Variants in CDH22 observed in about 807,000 individuals in gnomAD.
The protein encoded by CDH22 is cadherin 22, also known as cadherin-22.
In CDH22, 30 loss-of-function variants were observed where a neutral mutation model predicts 58.4. The observed-to-expected ratio is 0.51, with a 90% CI of 0.38 to 0.70. The LOEUF (loss-of-function observed/expected upper bound fraction) is 0.70. Among genes scored for constraint, CDH22 ranks in the 30% least tolerant of loss-of-function variants. The pLI, the probability that CDH22 is intolerant of heterozygous loss-of-function variation, is 0.00. For synonymous variants in CDH22, 513 were observed against 558.2 expected, an observed-to-expected ratio of 0.92 and a Z score of 1.14; for missense variants, 1,014 against 1,233.9, an observed-to-expected ratio of 0.82 and a Z score of 2.67.
intron 1 of CDH22, among the ~76,000 whole-genome samples, chr20:46,255,157 G>A (rs963889574): frequency 1.3e-5 from 2 of 152,142 alleles, no homozygotes; most frequent in African/African-American, 2.4e-5. Flanking sequence ...AAGTAGCTGG[G>A]ATTACAGGTG....
chr20:46,242,359 C>T (rs887203534), intron 2 of CDH22, among the ~76,000 whole-genome samples: 2 of 152,182 alleles, frequency 1.3e-5, no homozygotes, highest in Non-Finnish European at 2.9e-5. Flanking sequence ...AGAGACAGTG[C>T]AGCCTGGCCC....
chr20:46,209,921 A>C, intron 7 of CDH22: 7 of 188,440 alleles, frequency 3.7e-5, no homozygotes, highest in East Asian at 1.3e-4. Context: ...ATGAGAGGGA[A>C]GGGGGTGCAG....
chr20:46,199,070 C>T (rs147545478), intron 8 of CDH22, among the ~76,000 whole-genome samples: 18 of 152,272 alleles, frequency 1.2e-4, no homozygotes, highest in African/African-American at 4.1e-4. Context: ...AAGGCTGGAT[C>T]CCCAACCCCT....
chr20:46,197,432 A>T (rs1568654957), intron 8 of CDH22, among the ~76,000 whole-genome samples: 1 of 152,158 alleles, frequency 6.6e-6, no homozygotes, highest in Non-Finnish European at 1.5e-5. Context: ...GCTTTCTGAA[A>T]GAGACCCACT....
In CDH22 at chr20:46,210,154, ACCCGTGCGCCTCTCTCCG is replaced by A. The variant is rs2086029874; in HGVS notation, c.1286+135_1286+152del. 8.1e-5 allele frequency: 59 copies of A among 724,610 alleles called. No individual in the cohort carries two copies. The highest frequency in any genetic ancestry group is 1.1e-4 in the Non-Finnish European group (56 of 497,502). 44.9% of individuals were successfully genotyped at this position (724,610 alleles called of 1,614,324 possible). A position where few individuals can be genotyped will look rare whatever the true frequency, so the allele number is the denominator to read the frequency against. Reference sequence around the variant, plus strand: ...TTTGGCTCCGTGCCTGTTTCTCTCCACCCGTGCGCCTCTCTCCGCGCCTCCCTCCCCCACGCAGCCCCT... The same window carrying A: ...TTTGGCTCCGTGCCTGTTTCTCTCCACGCCTCCCTCCCCCACGCAGCCCCT... On this transcript the variant is annotated intron_variant, in intron 7 of 11. Coordinates refer to ENST00000537909, the MANE Select transcript of CDH22 (RefSeq NM_021248.3). This position sits in a 1 kb window ranked among gnomAD's most constrained non-coding sequence, Gnocchi z 4.5.
At position 46,174,822 on chromosome 20, in the gene CDH22, GCCTGCGGGGGGCTGCCCGCGC is replaced by G. The variant is rs1361740190; in HGVS notation, c.2150_2170del (p.Gly717_Gln723del). 2.1e-6 allele frequency: 3 copies of G among 1,451,080 alleles called. No homozygotes were observed. The highest frequency in any genetic ancestry group is 2.7e-6 in the Non-Finnish European group (3 of 1,104,476). 89.9% of individuals were successfully genotyped at this position (1,451,080 alleles called of 1,614,324 possible). ...CGAGTGGCGCTCGGAGGGCAGGTGG[GCCTGCGGGGGGCTGCCCGCGC>G]CCCCGCCCGAGCCCCCGCCCGCTCC... On this transcript the variant is annotated inframe_deletion, in exon 12 of 12. Transcript: ENST00000537909. This position sits in a 1 kb window ranked among gnomAD's most constrained non-coding sequence, Gnocchi z 4.4.
At chr20:46,215,819 G>A (rs60211917) in intron 5 of CDH22, among the ~76,000 whole-genome samples, 3,184 of 152,308 alleles carry the variant, frequency 0.021, 103 homozygotes, top group African/African-American at 0.072. Flanking sequence ...GTGGGGGTGC[G>A]TCCCACCCAT....
chr20:46,183,058 G>A (rs996396618), intron 10 of CDH22, among the ~76,000 whole-genome samples: 2 of 152,068 alleles, frequency 1.3e-5, no homozygotes, highest in African/African-American at 2.4e-5. Context: ...GCAGAATCTC[G>A]GGCCCCTTGG....
intron 2 of CDH22, among the ~76,000 whole-genome samples, chr20:46,245,508 A>C (rs1286163470): frequency 2.6e-5 from 4 of 152,130 alleles, no homozygotes; most frequent in African/African-American, 9.7e-5. Context: ...ATGCCTGCAG[A>C]GAAAATACAG....
rs1372883158 is a variant in CDH22, at chr20:46,300,871, C to T, written c.-400+7384G>A. 2.0e-5 allele frequency among the ~76,000 whole-genome samples: 3 copies of T among 152,162 alleles called. No individual in the cohort carries two copies. Among genetic ancestry groups the T allele is most frequent in the Non-Finnish European group, 2.9e-5 (2 of 68,020 alleles). On this transcript the variant is annotated intron_variant, in intron 1 of 11. Transcript: ENST00000537909. The surrounding 1 kb of genome is among the most constrained non-coding windows in gnomAD (Gnocchi z 4.4). ...TTCATGGCAGAATTGTTTGTAATAG[C>T]GAAGGACTGGAAACAACCCAAATGT...
At chr20:46,274,173 C>T (rs2086505951) in intron 1 of CDH22, among the ~76,000 whole-genome samples, 1 of 152,152 alleles carries the variant, frequency 6.6e-6, no homozygotes, top group South Asian at 2.1e-4. Context: ...GCTGATTCTT[C>T]TTTAAACTGG....
intron 4 of CDH22, chr20:46,220,691 G>A (rs973533056): frequency 1.3e-5 from 2 of 151,992 alleles, no homozygotes; most frequent in African/African-American, 4.8e-5. Flanking sequence ...GAGGCTCCAC[G>A]TGGCTGCCTT....
intron 1 of CDH22, among the ~76,000 whole-genome samples, chr20:46,286,658 A>G (rs1028800590): frequency 4.6e-5 from 7 of 152,188 alleles, no homozygotes; most frequent in African/African-American, 1.7e-4. Context: ...TGTGGAGCCC[A>G]GCCACATGCA....
rs750749380 is a variant in CDH22, at chr20:46,213,212, A to T, written c.839-24T>A. 1.4e-5 allele frequency: 22 copies of T among 1,607,866 alleles called. No individual in the cohort carries two copies. The South Asian group carries it at 2.3e-4, about 17-fold the overall frequency. ...CTCTGTGGGGGACACGGCCATGAGC[A>T]GGGATGAAGGCAGCCCCTTCCCCAG... On this transcript the variant is annotated intron_variant, in intron 5 of 11. Transcript: ENST00000537909.
At chr20:46,211,279 A>G (rs1005326417) in intron 6 of CDH22, among the ~76,000 whole-genome samples, 1 of 152,368 alleles carries the variant, frequency 6.6e-6, no homozygotes, top group East Asian at 1.9e-4. Context: ...CAGGGACCTC[A>G]GCTACATGGT....
intron 10 of CDH22, among the ~76,000 whole-genome samples, chr20:46,183,170 C>A (rs1391219742): frequency 6.6e-6 from 1 of 152,164 alleles, no homozygotes; most frequent in Non-Finnish European, 1.5e-5. Context: ...CAGGGCTGTA[C>A]TGGTTGTTAA....
At chr20:46,187,790 G>A (rs567130979) in intron 8 of CDH22, among the ~76,000 whole-genome samples, 8 of 152,122 alleles carry the variant, frequency 5.3e-5, no homozygotes, top group Non-Finnish European at 1.0e-4. Flanking sequence ...CAGCATGCAC[G>A]TGGAGCATCT....
At chr20:46,291,883 A>G (rs1331352675) in intron 1 of CDH22, among the ~76,000 whole-genome samples, 1 of 152,226 alleles carries the variant, frequency 6.6e-6, no homozygotes, top group Non-Finnish European at 1.5e-5. Flanking sequence ...TGTCCTGTGC[A>G]GGGTAGGATG....
At chr20:46,177,164 G>T (rs1402229933) in intron 11 of CDH22, among the ~76,000 whole-genome samples, 2 of 152,150 alleles carry the variant, frequency 1.3e-5, no homozygotes, top group Admixed American at 1.3e-4. Flanking sequence ...GTGAGGGCGG[G>T]GGGAGGCAGC....
Sources: gnomAD v4.1 joint callset for allele counts (sites outside exome capture counted in the v4.1 genomes callset) on GRCh38, gnomAD v4.1.1 for gene constraint, Gnocchi (gnomAD v3.1) non-coding constraint, MANE v1.5 for transcripts, NCBI Gene and HGNC (gene_info 2026-07-23, HGNC 2026-07-21) for gene names.